The following CDK8 variants were observed in gnomAD, a reference collection of about 807,000 sequenced individuals.
CDK8 encodes cyclin dependent kinase 8, also known as cyclin-dependent kinase 8.
CDK8 carries 29 observed loss-of-function variants against 71.5 expected under a neutral mutation model. The ratio of observed to expected loss-of-function variants is 0.41; its 90% CI spans 0.30 to 0.55. The LOEUF (loss-of-function observed/expected upper bound fraction) is 0.55. CDK8 is among the 20% of genes least tolerant of loss of function. The pLI is 0.37. For missense variants in CDK8, 288 were observed against 572.6 expected, an observed-to-expected ratio of 0.50 and a Z score of 5.07; for synonymous variants, 161 against 192.1, an observed-to-expected ratio of 0.84 and a Z score of 1.34.
At chr13:26,322,124 TC>T (rs1874804797) in intron 1 of CDK8, among the ~76,000 whole-genome samples, 1 of 152,102 alleles carries the variant, frequency 6.6e-6, no homozygotes, top group African/African-American at 2.4e-5. Context: ...CTTTTGGTGT[TC>T]CGGAAAGTTA....
At chr13:26,281,685 A>T (rs2137886453) in intron 1 of CDK8, among the ~76,000 whole-genome samples, 1 of 107,154 alleles carries the variant, frequency 9.3e-6, no homozygotes, top group East Asian at 2.2e-4. Flanking sequence ...GTTGATTATT[A>T]AGCTACTCAG....
chr13:26,383,273 C>G (rs1441502133), intron 5 of CDK8, among the ~76,000 whole-genome samples: 1 of 152,140 alleles, frequency 6.6e-6, no homozygotes, highest in Non-Finnish European at 1.5e-5. Flanking sequence ...CTGTTGACCT[C>G]GTCTAGATTA....
At chr13:26,357,470 G>A (rs1873942271) in intron 4 of CDK8, among the ~76,000 whole-genome samples, 1 of 152,170 alleles carries the variant, frequency 6.6e-6, no homozygotes, top group Non-Finnish European at 1.5e-5. Context: ...ACAAAGTTAT[G>A]TCTGTTAAGT....
chr13:26,287,145 T>G (rs1006664095), intron 1 of CDK8, among the ~76,000 whole-genome samples: 2 of 152,192 alleles, frequency 1.3e-5, no homozygotes, highest in South Asian at 4.1e-4. Flanking sequence ...GTACTGGGTA[T>G]CTACTCAGAG....
intron 1 of CDK8, among the ~76,000 whole-genome samples, chr13:26,333,086 A>C (rs1872826903): frequency 6.6e-6 from 1 of 152,044 alleles, no homozygotes; most frequent in African/African-American, 2.4e-5. Context: ...TGGTGATGCT[A>C]CTGTGCTGCT....
At chr13:26,255,261 G>A (rs1489865187) in intron 1 of CDK8, among the ~76,000 whole-genome samples, 1 of 152,162 alleles carries the variant, frequency 6.6e-6, no homozygotes, top group African/African-American at 2.4e-5. Flanking sequence ...GGAAGGCAGC[G>A]AGTGAATGTG....
rs111819577 is a variant in CDK8, at chr13:26,380,212, C to G, written c.457-2602C>G. ...TTCTTTTTTTATAGACTGAGTCTCA[C>G]TCTGTCACACAGGCTGGAGTGCAAT... is the stretch of plus-strand genomic sequence containing the variant. On this transcript the variant is annotated intron_variant, in intron 4 of 12. Transcript: ENST00000381527. Among the ~76,000 whole-genome samples the G allele has an allele frequency of 8.5e-3, 1,288 of 152,290 alleles. 18 individuals are homozygous for G. The highest frequency in any genetic ancestry group is 0.028 in the African/African-American group (1,168 of 41,552).
chr13:26,379,980 C>T (rs535055086), intron 4 of CDK8, among the ~76,000 whole-genome samples: 1 of 152,130 alleles, frequency 6.6e-6, no homozygotes, highest in Non-Finnish European at 1.5e-5. Flanking sequence ...AATGGCATAG[C>T]GATGACATAG....
intron 1 of CDK8, among the ~76,000 whole-genome samples, chr13:26,298,457 G>A (rs988425042): frequency 6.6e-6 from 1 of 152,108 alleles, no homozygotes; most frequent in African/African-American, 2.4e-5. Context: ...AAACTTCCGA[G>A]TAAGTGGAAA....
rs144729472 is a variant in CDK8, at chr13:26,304,756, C to T, written c.129-32811C>T. On this transcript the variant is annotated intron_variant, in intron 1 of 12. Transcript: ENST00000381527. ...GGCTCAAGGGGTTCTCCTGCCTCAGCCTCCCAAGTAGCTGGGACTACAGGT... is the reference window on the plus strand; with the variant it reads ...GGCTCAAGGGGTTCTCCTGCCTCAGTCTCCCAAGTAGCTGGGACTACAGGT... Among the ~76,000 whole-genome samples, 706 of 152,136 alleles carry T rather than the reference C, an allele frequency of 4.6e-3. 6 individuals carry two copies. The highest frequency in any genetic ancestry group is 0.016 in the African/African-American group (657 of 41,486).
At chr13:26,296,254 CT>C (rs1230135371) in intron 1 of CDK8, among the ~76,000 whole-genome samples, 4 of 152,176 alleles carry the variant, frequency 2.6e-5, no homozygotes, top group African/African-American at 9.7e-5. Context: ...ACATCTTCCC[CT>C]AAGACAGACA....
chr13:26,390,114 G>C (rs1875677776), intron 6 of CDK8, among the ~76,000 whole-genome samples: 1 of 152,152 alleles, frequency 6.6e-6, no homozygotes, highest in Admixed American at 6.5e-5. Context: ...GTAGCCTAAA[G>C]ATTAAAATAC....
intron 1 of CDK8, among the ~76,000 whole-genome samples, chr13:26,323,062 A>G (rs1874854276): frequency 6.6e-6 from 1 of 152,076 alleles, no homozygotes; most frequent in South Asian, 2.1e-4. Context: ...TGCTCGATGC[A>G]TGGCATATTG....
At chr13:26,351,449 C>G (rs1873676892) in intron 3 of CDK8, among the ~76,000 whole-genome samples, 1 of 152,060 alleles carries the variant, frequency 6.6e-6, no homozygotes, top group Admixed American at 6.6e-5. Context: ...TGAACACTCA[C>G]TATGCTGAGC....
intron 2 of CDK8, among the ~76,000 whole-genome samples, chr13:26,348,526 G>C (rs1873554714): frequency 2.0e-5 from 3 of 152,016 alleles, no homozygotes; most frequent in South Asian, 4.1e-4. Flanking sequence ...GAGGTGAAAC[G>C]GTTTCATCTT....
chr13:26,264,229 T>G (rs1593224766), intron 1 of CDK8, among the ~76,000 whole-genome samples: 1 of 152,178 alleles, frequency 6.6e-6, no homozygotes, highest in East Asian at 1.9e-4. Flanking sequence ...ATTTAAATAT[T>G]TGGCATTTCA....
intron 1 of CDK8, among the ~76,000 whole-genome samples, chr13:26,263,763 TC>T (rs1165496133): frequency 7.3e-6 from 1 of 136,304 alleles, no homozygotes; most frequent in Admixed American, 7.1e-5. Context: ...TTTTTTTTTT[TC>T]GAGACGGAGT....
intron 1 of CDK8, among the ~76,000 whole-genome samples, chr13:26,256,878 G>A (rs1871546961): frequency 6.6e-6 from 1 of 152,130 alleles, no homozygotes; most frequent in African/African-American, 2.4e-5. Context: ...TGTCAAGAGA[G>A]TTTTAAAATT....
chr13:26,312,301 C>T (rs1874321103), intron 1 of CDK8, among the ~76,000 whole-genome samples: 1 of 152,180 alleles, frequency 6.6e-6, no homozygotes, highest in Admixed American at 6.5e-5. Flanking sequence ...GCAGTGGCAA[C>T]CCACTTGAGT....
Sources: allele counts gnomAD v4.1 joint callset (sites outside exome capture counted in the v4.1 genomes callset), GRCh38; gene constraint gnomAD v4.1.1; transcripts MANE v1.5; gene names NCBI Gene and HGNC (gene_info 2026-07-23, HGNC 2026-07-21).